HLTF: variants seen among roughly 807,000 people sequenced by gnomAD.
HLTF encodes DNA-dependent ATPase/E3 ubiquitin-protein ligase HLTF.
Under a neutral mutation model 129.4 loss-of-function variants are expected in HLTF, and 127 were observed. The observed-to-expected ratio is 0.98, with a 90% confidence interval of 0.85 to 1.14. The LOEUF is 1.14. HLTF is among the 50% of genes most tolerant of loss of function. The probability of loss-of-function intolerance (pLI) is 0.00; values close to 1 mark genes in which losing one functional copy is unlikely to be tolerated. For missense variants in HLTF, 1,139 were observed against 1,187.1 expected (o/e 0.96, Z 0.60); for synonymous variants, 332 against 388.8 (o/e 0.85, Z 1.72).
Position 149,068,320 on chromosome 3 carries a change from C to T in HLTF, c.910G>A (p.Ala304Thr), listed in dbSNP as rs1272815260. ...DDMGLGKTLT[A>T]IAVILTNFHD... ...AAGTTGGTAAGGATTACTGCAATGG[C>T]CGTAAGAGTTTTACCCTTAAAAATG... The change falls in exon 8 of 25, where the codon GCC (alanine) becomes ACC (threonine). Residue 304 changes from alanine to threonine, a missense_variant. Physicochemically the swap from Ala to Thr is moderately conservative, Grantham distance 58 (BLOSUM62 0). Transcript: ENST00000310053. 1.3e-6 allele frequency: 2 copies of T among 1,531,160 alleles called. No individual in the cohort carries two copies. 94.8% of individuals were successfully genotyped at this position (1,531,160 alleles called of 1,614,324 possible).
chr3:149,069,506 C>T (rs1047128392), intron 7 of HLTF, among the ~76,000 whole-genome samples: 21 of 151,076 alleles, frequency 1.4e-4, no homozygotes, highest in Admixed American at 5.9e-4. Context: ...ATGTTCTTGA[C>T]GAAGCAGTAC....
intron 15 of HLTF, among the ~76,000 whole-genome samples, chr3:149,049,249 A>G (rs1052557173): frequency 3.3e-5 from 5 of 152,198 alleles, no homozygotes; most frequent in African/African-American, 4.8e-5. Flanking sequence ...AAAGCACCAC[A>G]GGTGGCAGAA....
At chr3:149,048,184 T>C in intron 16 of HLTF, 21 bp from the exon 17 acceptor site, 2 of 1,585,104 alleles carry the variant, frequency 1.3e-6, no homozygotes, top group East Asian at 2.2e-5. Flanking sequence ...CAGGAAACTG[T>C]TATAACTCTT....
At chr3:149,081,832 G>A (rs1019324292) in intron 2 of HLTF, among the ~76,000 whole-genome samples, 1 of 152,134 alleles carries the variant, frequency 6.6e-6, no homozygotes, top group African/African-American at 2.4e-5. Flanking sequence ...AGGCATAAAA[G>A]GGAGTTTAAG....
At chr3:149,051,797 G>A (rs1254411634) in intron 14 of HLTF, among the ~76,000 whole-genome samples, 1 of 152,142 alleles carries the variant, frequency 6.6e-6, no homozygotes, top group Admixed American at 6.5e-5. Flanking sequence ...TTGAACCCAG[G>A]AGACAGAGGT....
intron 2 of HLTF, among the ~76,000 whole-genome samples, chr3:149,082,308 A>C (rs1242036536): frequency 6.6e-6 from 1 of 152,174 alleles, no homozygotes; most frequent in Non-Finnish European, 1.5e-5. Flanking sequence ...AATACAAAAA[A>C]ATTAGCCGGG....
chr3:149,055,273 G>A (rs375275554), intron 14 of HLTF, 30 bp downstream of exon 14: 57 of 1,424,120 alleles, frequency 4.0e-5, no homozygotes, highest in Non-Finnish European at 5.4e-5. Flanking sequence ...TATAAATTAT[G>A]TTACATTTTT....
At chr3:149,068,710 A>G (rs1718609909) in intron 7 of HLTF, among the ~76,000 whole-genome samples, 1 of 152,332 alleles carries the variant, frequency 6.6e-6, no homozygotes. Flanking sequence ...CAGTATGCAT[A>G]TAATCATTTT....
chr3:149,082,230 G>A (rs543339458), intron 2 of HLTF, among the ~76,000 whole-genome samples: 6 of 152,256 alleles, frequency 3.9e-5, no homozygotes, highest in Admixed American at 1.3e-4. Context: ...AGGCCGAGGC[G>A]GGCGGATCAC....
intron 23 of HLTF, among the ~76,000 whole-genome samples, chr3:149,036,915 G>A (rs1169323301): frequency 2.6e-5 from 4 of 152,052 alleles, no homozygotes; most frequent in African/African-American, 4.8e-5. Context: ...CTGCTAAAAC[G>A]TTCTGTAAAT....
At chr3:149,045,796 G>A (rs1417314756) in intron 18 of HLTF, among the ~76,000 whole-genome samples, 1 of 152,128 alleles carries the variant, frequency 6.6e-6, no homozygotes, top group East Asian at 1.9e-4. Context: ...ATTTCCATAC[G>A]ATTTTGGAAA....
At chr3:149,039,452 G>A in intron 22 of HLTF, 129 bp downstream of exon 22, 2 of 607,090 alleles carry the variant, frequency 3.3e-6, no homozygotes, top group South Asian at 2.9e-5. Flanking sequence ...TCTCTATTGT[G>A]ACTCTGAATA....
At chr3:149,068,357 T>C (rs752641503) in intron 7 of HLTF, 22 bp from the exon 8 acceptor site, 4 of 1,169,728 alleles carry the variant, frequency 3.4e-6, no homozygotes, top group Non-Finnish European at 5.0e-6. Flanking sequence ...TTTAAAAAGA[T>C]AAATGGTCAG....
chr3:149,084,932 G>C, intron 1 of HLTF, 43 bp from the exon 2 acceptor site: 1 of 1,423,192 alleles, frequency 7.0e-7, no homozygotes, highest in Non-Finnish European at 9.8e-7. Context: ...TAATATTTAA[G>C]TATTTCCAAA....
intron 13 of HLTF, among the ~76,000 whole-genome samples, chr3:149,059,094 TCTC>T (rs1358221007): frequency 6.6e-6 from 1 of 152,202 alleles, no homozygotes; most frequent in Non-Finnish European, 1.5e-5. Flanking sequence ...TCACATTACT[TCTC>T]ATTATTTAAA....
chr3:149,073,490 T>A (rs1274173507), intron 4 of HLTF, among the ~76,000 whole-genome samples, 168 bp from the exon 5 acceptor site: 1 of 152,200 alleles, frequency 6.6e-6, no homozygotes, highest in Non-Finnish European at 1.5e-5. Flanking sequence ...GTCCAGTAGT[T>A]TGAGACTAGC....
chr3:149,055,575 T>C (rs1048972223), intron 13 of HLTF, among the ~76,000 whole-genome samples, 175 bp from the exon 14 acceptor site: 14 of 152,014 alleles, frequency 9.2e-5, no homozygotes, highest in Non-Finnish European at 2.1e-4. Context: ...AAACTAAAAA[T>C]CCACATAGTG....
intron 7 of HLTF, among the ~76,000 whole-genome samples, chr3:149,068,559 G>C (rs1197283780): frequency 6.6e-6 from 1 of 152,114 alleles, no homozygotes; most frequent in African/African-American, 2.4e-5. Context: ...AATACTACAA[G>C]TATCTCTGAG....
In HLTF at chr3:149,030,953, T is replaced by G. The variant is rs1161418669; in HGVS notation, c.*1267A>C. On this transcript the variant is annotated 3_prime_UTR_variant, in exon 25 of 25. Coordinates refer to ENST00000310053, the MANE Select transcript of HLTF (RefSeq NM_003071.4). Reference sequence around the variant, plus strand: ...TCAAATGACTTCCAACACTCTTAAGTCTCAGGTATTCTTAAATCTGTATCA... The same window carrying G: ...TCAAATGACTTCCAACACTCTTAAGGCTCAGGTATTCTTAAATCTGTATCA... 6.6e-6 allele frequency: 1 copy of G among 152,192 alleles called. No individual in the cohort carries two copies. Among genetic ancestry groups the G allele is most frequent in the Non-Finnish European group, 1.5e-5 (1 of 68,040 alleles). The allele number at this position is 152,192 out of a possible 1,614,324, so 9.4% of individuals were successfully genotyped here.
Sources: gnomAD v4.1 joint callset for allele counts (sites outside exome capture counted in the v4.1 genomes callset) on GRCh38, gnomAD v4.1.1 for gene constraint, MANE v1.5 for transcripts, NCBI Gene and HGNC (gene_info 2026-07-23, HGNC 2026-07-21) for gene names.